Variants in COL4A3 observed in about 807,000 individuals in gnomAD.
The protein encoded by COL4A3 is collagen type IV alpha 3 chain, also known as collagen alpha-3(IV) chain.
Under a neutral mutation model 217.4 loss-of-function variants are expected in COL4A3, and 135 were observed. The observed-to-expected ratio is 0.62, with a 90% CI of 0.54 to 0.72. COL4A3 has a LOEUF of 0.72. COL4A3 is among the 30% of genes least tolerant of loss of function. The pLI is 0.00. For synonymous variants in COL4A3, 690 were observed against 736.3 expected, an observed-to-expected ratio of 0.94 and a Z score of 1.02; for missense variants, 1,868 against 2,119.9, an observed-to-expected ratio of 0.88 and a Z score of 2.33.
chr2:227,257,995 G>A (rs2070301057), intron 18 of COL4A3, among the ~76,000 whole-genome samples: 1 of 152,188 alleles, frequency 6.6e-6, no homozygotes, highest in African/African-American at 2.4e-5. Context: ...CCTGGGCCCG[G>A]GTTATGACAA....
At chr2:227,168,855 A>G (rs1488373005) in intron 1 of COL4A3, among the ~76,000 whole-genome samples, 1 of 151,636 alleles carries the variant, frequency 6.6e-6, no homozygotes, top group African/African-American at 2.4e-5. Context: ...TTTTCAATCA[A>G]ATAGTATATT....
At chr2:227,252,678 T>C (rs895898108) in intron 11 of COL4A3, among the ~76,000 whole-genome samples, 1 of 151,912 alleles carries the variant, frequency 6.6e-6, no homozygotes, top group African/African-American at 2.4e-5. Context: ...AATTTTCCAA[T>C]AGACAGTACA....
At position 227,290,100 on chromosome 2, in the gene COL4A3, G is replaced by A. The variant is rs1389775687; in HGVS notation, c.3070+12G>A. The A allele has an allele frequency of 2.5e-6, 4 of 1,612,498 alleles. No individual in the cohort carries two copies. Among genetic ancestry groups the A allele is most frequent in the Non-Finnish European group, 2.5e-6 (3 of 1,178,534 alleles). On this transcript the variant is annotated intron_variant, in intron 36 of 51. Transcript: ENST00000396578. ...CATGGGCATGCCAGGTAATGCATAA[G>A]GTCCTGTTATGAGCCCACAAGCTCA...
intron 38 of COL4A3, chr2:227,294,100 A>G (rs2072911076): frequency 3.5e-6 from 1 of 287,434 alleles, no homozygotes; most frequent in Admixed American, 5.0e-5. Context: ...ATTAGCTTAC[A>G]ATTCAGGTTT....
chr2:227,277,509 C>G lies in COL4A3; in HGVS notation c.2081C>G (p.Pro694Arg). 2 of 1,612,458 alleles carry G rather than the reference C, an allele frequency of 1.2e-6. No individual in the cohort carries two copies. Among genetic ancestry groups the G allele is most frequent in the South Asian group, 2.2e-5 (2 of 90,268 alleles). The part of the protein sequence containing the change: ...DPGLPGPDGE[P>R]GIPGIGFPGP... ...GGTCTTCCAGGGCCTGATGGTGAAC[C>G]AGGAATTCCAGGAATTGGATTTCCT... The change falls in exon 28 of 52, where the codon CCA becomes CGA. Residue 694 changes from proline (P) to arginine (R), a missense_variant. Pro to Arg is a moderately radical substitution (Grantham distance 103). This residue lies in a region of COL4A3 where 1,503 missense variants were observed against 1,786.1 expected (regional missense o/e 0.84). Coordinates refer to ENST00000396578, the MANE Select transcript of COL4A3 (RefSeq NM_000091.5).
chr2:227,297,430 T>C lies in COL4A3; in HGVS notation c.3566-244T>C, dbSNP rs539133891. ...ATAAGAAAATCAAAATTTGTAATAG[T>C]AGGTAAATCTGAAGTGACTTTGCCA... On this transcript the variant is annotated intron_variant, in intron 41 of 51. Coordinates refer to ENST00000396578, the MANE Select transcript of COL4A3 (RefSeq NM_000091.5). Among the ~76,000 whole-genome samples the C allele has an allele frequency of 1.7e-4, 26 of 152,312 alleles. No individual in the cohort carries two copies. The South Asian group carries it at 5.2e-3, about 30-fold the overall frequency.
At chr2:227,245,741 A>T in intron 5 of COL4A3, 1 of 614,510 alleles carries the variant, frequency 1.6e-6, no homozygotes, top group Non-Finnish European at 2.9e-6. Flanking sequence ...TATTTGAAAT[A>T]TCCACATCTC....
rs2066257196 is a variant in COL4A3, at chr2:227,191,878, A to G, written c.87+27065A>G. ...ACAAAACACAAAGACCTTGGAATAA[A>G]TTTGGCAATTTCTTCAACAGCAGTG... On this transcript the variant is annotated intron_variant, in intron 1 of 51. Coordinates refer to ENST00000396578, the MANE Select transcript of COL4A3 (RefSeq NM_000091.5). This position sits in a 1 kb window ranked among gnomAD's most constrained non-coding sequence, Gnocchi z 6.8. 6.6e-6 allele frequency among the ~76,000 whole-genome samples: 1 copy of G among 152,250 alleles called. No homozygotes were observed. Among genetic ancestry groups the G allele is most frequent in the Admixed American group, 6.5e-5 (1 of 15,286 alleles).
Position 227,294,587 on chromosome 2 carries a change from TTC to T in COL4A3, c.3418+21_3418+22del. The T allele has an allele frequency of 3.8e-6, 6 of 1,563,244 alleles. No homozygotes were observed. The highest frequency in any genetic ancestry group is 1.4e-5 in the African/African-American group (1 of 73,958). ...GCCCTCCAGGTTTCATTTTTGTACT[TTC>T]TCTTTTTCCTTTTCATGTGGGAGAC... On this transcript the variant is annotated intron_variant, in intron 39 of 51. Transcript: ENST00000396578.
chr2:227,207,245 C>T (rs1462157474), intron 1 of COL4A3, among the ~76,000 whole-genome samples: 2 of 152,064 alleles, frequency 1.3e-5, no homozygotes, highest in East Asian at 1.9e-4. Flanking sequence ...AGGAAAACAA[C>T]CAAGAAAGTT....
intron 1 of COL4A3, among the ~76,000 whole-genome samples, chr2:227,219,981 A>G (rs1316826812): frequency 6.6e-6 from 1 of 151,954 alleles, no homozygotes; most frequent in Non-Finnish European, 1.5e-5. Flanking sequence ...TTCTGCCCCA[A>G]GATTTCTTCA....
chr2:227,248,764 G>A (rs1005871550), intron 9 of COL4A3, among the ~76,000 whole-genome samples: 4 of 152,076 alleles, frequency 2.6e-5, no homozygotes, highest in South Asian at 2.1e-4. Context: ...TATGTTTTTC[G>A]TCCTCTTCTT....
At chr2:227,273,433 C>A (rs886644899) in intron 26 of COL4A3, among the ~76,000 whole-genome samples, 1 of 152,154 alleles carries the variant, frequency 6.6e-6, no homozygotes, top group African/African-American at 2.4e-5. Context: ...GAGACAGGGT[C>A]TCACTGTGTT....
chr2:227,237,722 A>G, intron 1 of COL4A3: 1 of 388,356 alleles, frequency 2.6e-6, no homozygotes, highest in African/African-American at 2.1e-5. Context: ...TAAAATTCCC[A>G]AGTACAATAC....
At chr2:227,261,186 A>C in intron 20 of COL4A3, 69 bp downstream of exon 20, 2 of 1,294,974 alleles carry the variant, frequency 1.5e-6, no homozygotes, top group Non-Finnish European at 1.1e-6. Flanking sequence ...TCCTCTATTA[A>C]GTTTACATTA....
chr2:227,189,156 G>A (rs181126392), intron 1 of COL4A3, among the ~76,000 whole-genome samples: 1 of 152,220 alleles, frequency 6.6e-6, no homozygotes, highest in East Asian at 1.9e-4. Context: ...AAGGGAGCTG[G>A]GGAGAAAGGC....
At chr2:227,289,851 T>A (rs764276296) in intron 35 of COL4A3, 148 bp from the exon 36 acceptor site, 2 of 730,344 alleles carry the variant, frequency 2.7e-6, no homozygotes, top group African/African-American at 1.7e-5. Flanking sequence ...TCCCTCTTAT[T>A]TGAAGGAAAA....
In COL4A3 at chr2:227,242,253, T is replaced by C. The variant is rs189710489; in HGVS notation, c.234+2021T>C. Among the ~76,000 whole-genome samples, 7 of 152,232 alleles carry C rather than the reference T, an allele frequency of 4.6e-5. No individual in the cohort carries two copies. The East Asian group carries it at 5.8e-4, about 13-fold the overall frequency. ...TTTGATAATTTGCTAAAGAGTCTCA[T>C]AGAACTCATGGGAACATTTATCAGT... is the stretch of plus-strand genomic sequence containing the variant. On this transcript the variant is annotated intron_variant, in intron 3 of 51. Transcript: ENST00000396578.
chr2:227,244,952 G>T lies in COL4A3; in HGVS notation c.281G>T (p.Gly94Val), dbSNP rs780287240. The change falls in exon 5 of 52, where the codon GGA becomes GTA. Residue 94 changes from glycine (G) to valine (V), a missense_variant and splice_region_variant. Gly to Val is a moderately radical substitution (Grantham distance 109). This residue lies in a region of COL4A3 where 365 missense variants were observed against 333.8 expected (regional missense o/e 1.09). Transcript: ENST00000396578. ...CCCTCCTTTTTCCTATGTCTTCAGG[G>T]AATAAGTGGATTGCCAGGATTTTCT... ...PGLTGSKGVR[G>V]ISGLPGFSGS... is the part of the protein sequence containing the mutation. 6.2e-7 allele frequency: 1 copy of T among 1,613,150 alleles called. No homozygotes were observed. The highest frequency in any genetic ancestry group is 1.1e-5 in the South Asian group (1 of 91,030).
Sources: allele counts gnomAD v4.1 joint callset (sites outside exome capture counted in the v4.1 genomes callset), GRCh38; gene constraint gnomAD v4.1.1; regional missense constraint gnomAD v4.1.1; non-coding constraint Gnocchi (gnomAD v3.1); transcripts MANE v1.5; gene names NCBI Gene and HGNC (gene_info 2026-07-23, HGNC 2026-07-21).